Variants in MDFIC observed in about 807,000 individuals in gnomAD.
The protein encoded by MDFIC is myoD family inhibitor domain-containing protein.
MDFIC carries 17 observed loss-of-function variants against 23.2 expected under a neutral mutation model. That is an observed-to-expected ratio of 0.73 (90% CI 0.50 to 1.10). MDFIC has a LOEUF of 1.10. MDFIC is among the 50% of genes least tolerant of loss of function. MDFIC has a pLI of 0.00. For missense variants in MDFIC, 356 were observed against 316.6 expected (o/e 1.12, Z -0.95); for synonymous variants, 120 against 115.2 (o/e 1.04, Z -0.27).
chr7:114,984,292 G>A (rs1344129076), intron 4 of MDFIC, among the ~76,000 whole-genome samples: 1 of 152,006 alleles, frequency 6.6e-6, no homozygotes, highest in East Asian at 1.9e-4. Flanking sequence ...CTACTAGACT[G>A]TGAATTCCTG....
Position 115,015,922 on chromosome 7 carries a change from G to A in MDFIC, c.728G>A (p.Cys243Tyr). The A allele has an allele frequency of 6.2e-7, 1 of 1,611,884 alleles. No homozygotes were observed. The highest frequency in any genetic ancestry group is 8.5e-7 in the Non-Finnish European group (1 of 1,178,710). The change falls in exon 5 of 5, where the codon TGT becomes TAT. Residue 243 changes from cysteine to tyrosine, a missense_variant. Coordinates refer to ENST00000393486, the MANE Select transcript of MDFIC (RefSeq NM_001166345.3). ...LEICMECCGI[C>Y]FPS Reference sequence around the variant, plus strand: ...ATCTGTATGGAATGCTGTGGAATTTGTTTTCCTTCATAAATATTTATCTTT... The same window carrying A: ...ATCTGTATGGAATGCTGTGGAATTTATTTTCCTTCATAAATATTTATCTTT...
chr7:114,967,807 T>G (rs1034900657), intron 3 of MDFIC, among the ~76,000 whole-genome samples: 1 of 149,978 alleles, frequency 6.7e-6, no homozygotes, highest in African/African-American at 2.4e-5. Flanking sequence ...TGTTAATCTT[T>G]TATTTCTTTT....
intron 4 of MDFIC, chr7:114,980,078 G>A: frequency 2.5e-6 from 1 of 402,936 alleles, no homozygotes; most frequent in South Asian, 2.2e-5. Flanking sequence ...ACAACATTTT[G>A]ATGGCATACA....
At chr7:114,957,205 C>T (rs1397921844) in intron 3 of MDFIC, among the ~76,000 whole-genome samples, 2 of 152,114 alleles carry the variant, frequency 1.3e-5, no homozygotes, top group African/African-American at 4.8e-5. Context: ...TGATATATTA[C>T]ATCGAAATCA....
chr7:114,981,539 T>C (rs754875904), intron 4 of MDFIC, among the ~76,000 whole-genome samples: 3 of 152,216 alleles, frequency 2.0e-5, no homozygotes, highest in Non-Finnish European at 1.5e-5. Flanking sequence ...TTCACACTTA[T>C]GGCCTACCAC....
intron 3 of MDFIC, among the ~76,000 whole-genome samples, chr7:114,950,550 A>C (rs1792746409): frequency 6.6e-6 from 1 of 152,218 alleles, no homozygotes; most frequent in Non-Finnish European, 1.5e-5. Flanking sequence ...TTTCAGAAAT[A>C]AAACAGGTAT....
chr7:114,928,045 A>G (rs535217338), intron 2 of MDFIC, among the ~76,000 whole-genome samples: 1 of 152,322 alleles, frequency 6.6e-6, no homozygotes, highest in African/African-American at 2.4e-5. Context: ...AACATTTTGA[A>G]TTTAGAAAAT....
chr7:114,930,335 A>T (rs1038367562), intron 2 of MDFIC, among the ~76,000 whole-genome samples: 3 of 152,196 alleles, frequency 2.0e-5, no homozygotes, highest in Admixed American at 2.0e-4. Context: ...GTGACAAGGG[A>T]TGCATATCAC....
Position 114,943,432 on chromosome 7 carries a change from A to T in MDFIC, c.217+1035A>T, listed in dbSNP as rs547941777. Among the ~76,000 whole-genome samples, 37 of 152,268 alleles carry T rather than the reference A, an allele frequency of 2.4e-4. No individual in the cohort carries two copies. In the South Asian group the frequency reaches 6.8e-3, roughly 28 times the overall value. ...ACAACAACAATAAAAACACTATTGA[A>T]GGAAATTTCCAGGTTTCAAACAAAA... On this transcript the variant is annotated intron_variant, in intron 3 of 4. Transcript: ENST00000393486.
intron 2 of MDFIC, among the ~76,000 whole-genome samples, chr7:114,936,634 T>G (rs1391410096): frequency 6.6e-6 from 1 of 152,154 alleles, no homozygotes; most frequent in African/African-American, 2.4e-5. Flanking sequence ...TAGCAATCCT[T>G]GAAATTTTGG....
intron 4 of MDFIC, among the ~76,000 whole-genome samples, chr7:114,984,328 AT>A (rs913218642): frequency 1.9e-4 from 29 of 149,914 alleles, no homozygotes; most frequent in Non-Finnish European, 2.8e-4. Flanking sequence ...ATCTAAGTCA[AT>A]TTTTTTTTTA....
At chr7:114,944,772 A>G (rs1792613198) in intron 3 of MDFIC, among the ~76,000 whole-genome samples, 1 of 152,230 alleles carries the variant, frequency 6.6e-6, no homozygotes, top group African/African-American at 2.4e-5. Context: ...TGTAATAACA[A>G]TAGGCCCTGG....
intron 2 of MDFIC, among the ~76,000 whole-genome samples, chr7:114,934,992 C>T (rs563317022): frequency 2.6e-5 from 4 of 151,914 alleles, no homozygotes; most frequent in Non-Finnish European, 5.9e-5. Flanking sequence ...CTGAAAGCTG[C>T]CTTATCTTTG....
chr7:115,014,745 G>A (rs1349614879), intron 4 of MDFIC, among the ~76,000 whole-genome samples: 1 of 152,160 alleles, frequency 6.6e-6, no homozygotes, highest in African/African-American at 2.4e-5. Context: ...ATGTGTTAAA[G>A]TTATCTAGAA....
intron 3 of MDFIC, among the ~76,000 whole-genome samples, chr7:114,945,816 CTCT>C (rs1267762856): frequency 8.5e-5 from 13 of 152,114 alleles, no homozygotes; most frequent in Middle Eastern, 3.4e-3. Flanking sequence ...ATTGGAAATT[CTCT>C]TTTTTTATTT....
At chr7:114,968,008 G>A (rs1372284366) in intron 3 of MDFIC, among the ~76,000 whole-genome samples, 1 of 151,646 alleles carries the variant, frequency 6.6e-6, no homozygotes. Flanking sequence ...TAAAAGACAG[G>A]GTCTCACTAT....
rs148704237 is a variant in MDFIC at position 114,987,529 on chromosome 7, G to A, written c.493+7748G>A. Among the ~76,000 whole-genome samples the A allele has an allele frequency of 2.5e-3, 382 of 152,248 alleles. 1 individual carries two copies. The highest frequency in any genetic ancestry group is 3.5e-3 in the Non-Finnish European group (240 of 68,008). On this transcript the variant is annotated intron_variant, in intron 4 of 4. Transcript: ENST00000393486. ...TTTGTTATGTTCTGTTTTCTCAGGC[G>A]CAGTGCCTTCCATCCCATGTTACAA...
chr7:114,922,120 A>C lies in MDFIC; in HGVS notation c.-624A>C. 6.5e-6 allele frequency: 2 copies of C among 305,818 alleles called. No individual in the cohort carries two copies. Among genetic ancestry groups the C allele is most frequent in the Non-Finnish European group, 6.0e-6 (1 of 167,350 alleles). 18.9% of individuals were successfully genotyped at this position (305,818 alleles called of 1,614,324 possible). ...TTCACTCCCCTTTCCCAGCCCCGGG[A>C]GGGCGCAGCGCCCGGGTGGGGAGCC... On this transcript the variant is annotated 5_prime_UTR_variant, in exon 1 of 5. Transcript: ENST00000393486.
At chr7:114,962,884 T>G (rs1306674866) in intron 3 of MDFIC, among the ~76,000 whole-genome samples, 1 of 152,212 alleles carries the variant, frequency 6.6e-6, no homozygotes, top group African/African-American at 2.4e-5. Context: ...TTCATACTAT[T>G]CTTTCTAGCC....
Sources: gnomAD v4.1 joint callset for allele counts (sites outside exome capture counted in the v4.1 genomes callset) on GRCh38, gnomAD v4.1.1 for gene constraint, MANE v1.5 for transcripts, NCBI Gene and HGNC (gene_info 2026-07-23, HGNC 2026-07-21) for gene names.